HNRNPA1L3: variants seen among roughly 807,000 people sequenced by gnomAD.
The protein encoded by HNRNPA1L3 is heterogeneous nuclear ribonucleoprotein A1 like 3.
At chr16:51,646,400 G>C in the HNRNPA1L3 span, 1,573 of 1,538,676 alleles carry the variant, frequency 1.0e-3, 4 homozygotes, top group Non-Finnish European at 1.2e-3. Context: ...CAGCCAAAGA[G>C]GTCGAAGTGG....
chr16:51,646,793 G>T, the HNRNPA1L3 span: 1 of 1,584,658 alleles, frequency 6.3e-7, no homozygotes, highest in East Asian at 2.2e-5. Context: ...AGGAAACAAA[G>T]CTTAGCAGGA....
At chr16:51,646,518 G>T in the HNRNPA1L3 span, 1 of 1,597,954 alleles carries the variant, frequency 6.3e-7, no homozygotes, top group Non-Finnish European at 8.5e-7. Flanking sequence ...AGCCGTGGTG[G>T]TGGTGGATAT....
chr16:51,645,776 C>T, the HNRNPA1L3 span: 11 of 1,607,654 alleles, frequency 6.8e-6, no homozygotes, highest in South Asian at 1.1e-5. Context: ...CCTTGGACGC[C>T]GCCGAAGAAG....
At chr16:51,646,115 G>A in the HNRNPA1L3 span, 1 of 1,596,062 alleles carries the variant, frequency 6.3e-7, no homozygotes, top group Non-Finnish European at 8.5e-7. Context: ...AAGACCAGAT[G>A]CCCACTTAAC....
At chr16:51,645,764 G>A in the HNRNPA1L3 span, 2 of 1,606,154 alleles carry the variant, frequency 1.2e-6, no homozygotes, top group Admixed American at 1.7e-5. Context: ...TTTCCTTTCT[G>A]CCCTTGGACG....
the HNRNPA1L3 span, chr16:51,646,426 T>A: frequency 6.4e-7 from 1 of 1,573,236 alleles, no homozygotes; most frequent in Non-Finnish European, 8.6e-7. Flanking sequence ...GAAACTTTGG[T>A]GGTGGTCGTG....
At chr16:51,646,217 A>T in the HNRNPA1L3 span, 7 of 1,596,228 alleles carry the variant, frequency 4.4e-6, no homozygotes, top group Admixed American at 1.7e-5. Flanking sequence ...AATTGAAGTG[A>T]TTGAAATCAT....
chr16:51,646,559 G>C, the HNRNPA1L3 span: 1 of 1,593,904 alleles, frequency 6.3e-7, no homozygotes, highest in Non-Finnish European at 8.5e-7. Flanking sequence ...TAATGGATTT[G>C]GTAATGATGG....
At chr16:51,645,927 G>A in the HNRNPA1L3 span, 8 of 1,606,768 alleles carry the variant, frequency 5.0e-6, no homozygotes, top group African/African-American at 1.1e-4. Context: ...TTTGAGCAAT[G>A]GGGAACGCTC....
At chr16:51,646,041 G>A in the HNRNPA1L3 span, 3 of 1,580,972 alleles carry the variant, frequency 1.9e-6, no homozygotes, top group South Asian at 2.2e-5. Flanking sequence ...ATGAATGCAA[G>A]GCCACACAAG....
At chr16:51,646,842 C>T in the HNRNPA1L3 span, 1 of 1,402,254 alleles carries the variant, frequency 7.1e-7, no homozygotes, top group East Asian at 2.3e-5. Flanking sequence ...CTACAGGTTA[C>T]AACAGATTTG....
chr16:51,646,028 G>C, the HNRNPA1L3 span: 1 of 1,585,230 alleles, frequency 6.3e-7, no homozygotes, highest in Non-Finnish European at 8.6e-7. Flanking sequence ...GGTGGATGCA[G>C]CTATGAATGC....
the HNRNPA1L3 span, chr16:51,646,018 G>T: frequency 1.3e-6 from 2 of 1,593,114 alleles, no homozygotes; most frequent in Admixed American, 1.7e-5. Context: ...CTGTGGAGGA[G>T]GTGGATGCAG....
the HNRNPA1L3 span, chr16:51,646,834 A>C: frequency 7.1e-7 from 1 of 1,416,396 alleles, no homozygotes; most frequent in Non-Finnish European, 9.8e-7. Flanking sequence ...CAGGGAAGCT[A>C]CAGGTTACAA....
chr16:51,646,216 G>A, the HNRNPA1L3 span: 3 of 1,596,184 alleles, frequency 1.9e-6, no homozygotes, highest in African/African-American at 4.0e-5. Context: ...AAATTGAAGT[G>A]ATTGAAATCA....
the HNRNPA1L3 span, chr16:51,646,689 G>A: frequency 6.3e-7 from 1 of 1,598,538 alleles, no homozygotes; most frequent in Non-Finnish European, 8.5e-7. Flanking sequence ...CCCCATGGCG[G>A]TGGAGGCCAA....
the HNRNPA1L3 span, chr16:51,646,049 A>G: frequency 6.3e-7 from 1 of 1,585,430 alleles, no homozygotes; most frequent in Non-Finnish European, 8.6e-7. Flanking sequence ...AAGGCCACAC[A>G]AGGTGGATGG....
the HNRNPA1L3 span, chr16:51,646,794 C>T: frequency 1.3e-6 from 2 of 1,582,874 alleles, no homozygotes; most frequent in East Asian, 2.2e-5. Flanking sequence ...GGAAACAAAG[C>T]TTAGCAGGAG....
At chr16:51,645,788 A>T in the HNRNPA1L3 span, 1 of 1,608,230 alleles carries the variant, frequency 6.2e-7, no homozygotes, top group Non-Finnish European at 8.5e-7. Flanking sequence ...CCGAAGAAGC[A>T]TCGTTAAAGT....
Sources: allele counts gnomAD v4.1 joint callset, GRCh38; gene constraint gnomAD v4.1.1; transcripts MANE v1.5; gene names NCBI Gene and HGNC (gene_info 2026-07-23, HGNC 2026-07-21).